PCDH11X: variants seen among roughly 807,000 people sequenced by gnomAD.
PCDH11X encodes protocadherin-11 X-linked.
PCDH11X carries 18 observed loss-of-function variants against 53.3 expected under a neutral mutation model. The ratio of observed to expected loss-of-function variants is 0.34; its 90% CI spans 0.23 to 0.50. PCDH11X has a LOEUF of 0.50. PCDH11X is among the 20% of genes least tolerant of loss of function. PCDH11X has a pLI of 0.98. For synonymous variants in PCDH11X, 279 were observed against 393.3 expected, an observed-to-expected ratio of 0.71 and a Z score of 3.44; for missense variants, 570 against 1,032.4, an observed-to-expected ratio of 0.55 and a Z score of 6.14.
At chrX:92,065,535 T>C (rs2148070315) in intron 6 of PCDH11X, among the ~76,000 whole-genome samples, 1 of 111,972 alleles carries the variant, frequency 8.9e-6, no homozygotes, top group Non-Finnish European at 1.9e-5. Context: ...TGTTATTGCC[T>C]GACTTTTGGA....
chrX:92,100,248 G>C (rs1361686583), intron 6 of PCDH11X, among the ~76,000 whole-genome samples: 1 of 111,161 alleles, frequency 9.0e-6, no homozygotes, highest in Non-Finnish European at 1.9e-5. Flanking sequence ...TTTCATGCGC[G>C]TCCCTGTGAA....
At position 92,321,184 on chromosome X, in the gene PCDH11X, G is replaced by GTTGTTT. The variant is rs1556361913; in HGVS notation, c.3144+58043_3144+58044insGTTTTT. ...TCAGTATCTGTGAGCTGAACTGTAA[G>GTTGTTT]TTTTTTTTTGTTTTTTTTTTTTTTT... is the stretch of plus-strand genomic sequence containing the variant. On this transcript the variant is annotated intron_variant, in intron 8 of 10. Coordinates refer to ENST00000682573, the MANE Select transcript of PCDH11X (RefSeq NM_032968.5). 3.5e-5 allele frequency among the ~76,000 whole-genome samples: 3 copies of GTTGTTT among 84,878 alleles called. 1 individual carries two copies. The highest frequency in any genetic ancestry group is 2.2e-5 in the Non-Finnish European group (1 of 46,363). The allele number at this position is 84,878 out of a possible 115,157, so 73.7% of individuals were successfully genotyped here. A position where few individuals can be genotyped will look rare whatever the true frequency, so the allele number is the denominator to read the frequency against.
intron 8 of PCDH11X, among the ~76,000 whole-genome samples, chrX:92,350,180 G>A (rs758380867): frequency 9.2e-6 from 1 of 108,958 alleles, no homozygotes; most frequent in South Asian, 4.1e-4. Context: ...CCTCTTTCTG[G>A]TGCCTCCATG....
chrX:92,229,604 AAATAAATCAGCT>A (rs2067031443), intron 7 of PCDH11X, among the ~76,000 whole-genome samples: 1 of 111,759 alleles, frequency 8.9e-6, no homozygotes, highest in South Asian at 3.7e-4. Context: ...ACAGCACCTG[AAATAAATCAGCT>A]AATATCAAAA....
At chrX:91,885,753 AG>A (rs1029839200) in intron 6 of PCDH11X, among the ~76,000 whole-genome samples, 2 of 111,794 alleles carry the variant, frequency 1.8e-5, no homozygotes, top group African/African-American at 6.5e-5. Context: ...TTTCTTTAAA[AG>A]CATTCCTCAA....
At chrX:92,495,179 A>G (rs1308286057) in intron 10 of PCDH11X, among the ~76,000 whole-genome samples, 1 of 111,043 alleles carries the variant, frequency 9.0e-6, no homozygotes, top group Non-Finnish European at 1.9e-5. Context: ...ACTCAAGCGA[A>G]TTGCTTAGCA....
chrX:92,284,844 A>G (rs1020985968), intron 8 of PCDH11X, among the ~76,000 whole-genome samples: 14 of 112,109 alleles, frequency 1.2e-4, no homozygotes, highest in African/African-American at 4.5e-4. Flanking sequence ...AGGGTCTGGT[A>G]CATAAAACAT....
At chrX:92,339,946 T>C (rs2069712966) in intron 8 of PCDH11X, among the ~76,000 whole-genome samples, 1 of 111,506 alleles carries the variant, frequency 9.0e-6, no homozygotes. Flanking sequence ...AATTCTCATC[T>C]GGAGATGAGT....
intron 8 of PCDH11X, among the ~76,000 whole-genome samples, chrX:92,305,272 C>T (rs936750350): frequency 1.8e-5 from 2 of 109,597 alleles, no homozygotes; most frequent in African/African-American, 3.3e-5. Context: ...AACAAAGTTA[C>T]CACAGATGGG....
intron 4 of PCDH11X, among the ~76,000 whole-genome samples, chrX:91,822,251 A>C (rs1312762835): frequency 9.2e-6 from 1 of 108,381 alleles, no homozygotes; most frequent in African/African-American, 3.5e-5. Context: ...AAGGAATGGT[A>C]CCAGTTCCTC....
intron 6 of PCDH11X, among the ~76,000 whole-genome samples, chrX:92,140,610 C>T (rs1356457690): frequency 5.4e-5 from 6 of 111,500 alleles, no homozygotes; most frequent in Non-Finnish European, 3.8e-5. Flanking sequence ...TAAAAACTCA[C>T]CAACGAAAAT....
intron 10 of PCDH11X, among the ~76,000 whole-genome samples, chrX:92,504,977 T>A (rs773341149): frequency 9.1e-6 from 1 of 110,062 alleles, no homozygotes; most frequent in African/African-American, 3.3e-5. Flanking sequence ...GAATGGGGAA[T>A]GCTTTCAGCT....
chrX:92,384,466 A>G (rs376487648), intron 8 of PCDH11X, among the ~76,000 whole-genome samples: 188 of 111,514 alleles, frequency 1.7e-3, no homozygotes, highest in African/African-American at 5.8e-3. Context: ...GGGGGATTGC[A>G]GTAGAGAAGG....
intron 6 of PCDH11X, among the ~76,000 whole-genome samples, chrX:92,106,811 G>C (rs908783484): frequency 9.0e-6 from 1 of 111,556 alleles, no homozygotes; most frequent in African/African-American, 3.3e-5. Flanking sequence ...TCATCAAATG[G>C]ACCCCTCCTC....
intron 9 of PCDH11X, among the ~76,000 whole-genome samples, chrX:92,397,639 G>A (rs2071278323): frequency 9.1e-6 from 1 of 110,095 alleles, no homozygotes; most frequent in Admixed American, 9.8e-5. Context: ...TAAAGACTAA[G>A]TTAAGTATTA....
At chrX:92,401,829 A>G (rs754641443) in intron 9 of PCDH11X, among the ~76,000 whole-genome samples, 98 of 112,246 alleles carry the variant, frequency 8.7e-4, no homozygotes, top group Non-Finnish European at 2.8e-4. Context: ...CTATGGATCA[A>G]ATGATAACGC....
intron 10 of PCDH11X, among the ~76,000 whole-genome samples, chrX:92,578,382 C>A (rs1923230506): frequency 9.1e-6 from 1 of 110,075 alleles, no homozygotes; most frequent in South Asian, 4.0e-4. Context: ...ATAGATCTCT[C>A]ACTATTATTG....
At chrX:92,221,408 A>G (rs1215433935) in intron 7 of PCDH11X, among the ~76,000 whole-genome samples, 4 of 109,274 alleles carry the variant, frequency 3.7e-5, no homozygotes, top group African/African-American at 1.3e-4. Context: ...GTGGCTGAAC[A>G]GGCTGAGAAC....
intron 5 of PCDH11X, among the ~76,000 whole-genome samples, chrX:91,857,087 G>A (rs1445002379): frequency 9.0e-6 from 1 of 111,266 alleles, no homozygotes; most frequent in East Asian, 2.9e-4. Context: ...AGGGTTAATT[G>A]ACTCACACAG....
Sources: gnomAD v4.1 joint callset for allele counts (sites outside exome capture counted in the v4.1 genomes callset) on GRCh38, gnomAD v4.1.1 for gene constraint, MANE v1.5 for transcripts, NCBI Gene and HGNC (gene_info 2026-07-23, HGNC 2026-07-21) for gene names.